NFIA: variants seen among roughly 807,000 people sequenced by gnomAD.
The protein encoded by NFIA is nuclear factor 1 A-type.
A neutral mutation model predicts 62.8 loss-of-function variants in NFIA; 8 were observed. The ratio of observed to expected loss-of-function variants is 0.13; its 90% confidence interval spans 0.07 to 0.23. The LOEUF (loss-of-function observed/expected upper bound fraction) is 0.23, where lower values mean the gene tolerates loss of function less well. Ranked by LOEUF, NFIA falls within the 10% of genes least tolerant of loss-of-function variation. NFIA has a pLI of 1.00. For missense variants in NFIA, 410 were observed against 642.1 expected, an observed-to-expected ratio of 0.64 and a Z score of 3.91; for synonymous variants, 235 against 238.1, an observed-to-expected ratio of 0.99 and a Z score of 0.12.
chr1:61,192,140 A>G (rs1189645330), intron 2 of NFIA, among the ~76,000 whole-genome samples: 1 of 151,894 alleles, frequency 6.6e-6, no homozygotes, highest in African/African-American at 2.4e-5. Flanking sequence ...TTGTATTTCT[A>G]GTAGACATGG....
chr1:61,372,595 T>C (rs369285202), intron 6 of NFIA, among the ~76,000 whole-genome samples: 2 of 151,740 alleles, frequency 1.3e-5, no homozygotes, highest in African/African-American at 4.8e-5. Context: ...AAAAGCAAAC[T>C]ATTTTGTCAG....
intron 2 of NFIA, among the ~76,000 whole-genome samples, chr1:61,153,217 C>T (rs1240424814): frequency 6.6e-6 from 1 of 152,218 alleles, no homozygotes; most frequent in Non-Finnish European, 1.5e-5. Context: ...GAATCTGTGC[C>T]TTCTAGTTTG....
chr1:61,150,124 A>C (rs1468966400), intron 2 of NFIA, among the ~76,000 whole-genome samples: 1 of 152,240 alleles, frequency 6.6e-6, no homozygotes, highest in Non-Finnish European at 1.5e-5. Context: ...ACCTTTAAAA[A>C]ATACACGTTA....
At chr1:61,419,749 A>G (rs914506628) in intron 9 of NFIA, among the ~76,000 whole-genome samples, 1 of 152,226 alleles carries the variant, frequency 6.6e-6, no homozygotes, top group Non-Finnish European at 1.5e-5. Flanking sequence ...CACCTTAGAC[A>G]TGCCATGCAA....
Position 61,429,567 on chromosome 1 carries a change from G to A in NFIA, c.1512+3011G>A, listed in dbSNP as rs566408916. Reference sequence around the variant, plus strand: ...ACTGCATTAAAATATAATCTTTAGCGTATACCCCCAAAAATGGCAAGCAAA... The same window carrying A: ...ACTGCATTAAAATATAATCTTTAGCATATACCCCCAAAAATGGCAAGCAAA... On this transcript the variant is annotated intron_variant, in intron 10 of 10. Transcript: ENST00000403491. 3.5e-4 allele frequency among the ~76,000 whole-genome samples: 54 copies of A among 152,276 alleles called. 1 individual carries two copies. The South Asian group carries it at 6.4e-3, about 18-fold the overall frequency.
Position 61,370,080 on chromosome 1 carries a change from T to C in NFIA, c.946+10806T>C, listed in dbSNP as rs550026629. Among the ~76,000 whole-genome samples the C allele has an allele frequency of 1.2e-4, 19 of 152,314 alleles. 2 individuals are homozygous for C. The South Asian group carries it at 3.7e-3, about 30-fold the overall frequency. ...AGAGAGGGAAGAAATAAGTCCTTGG[T>C]CTGTGCAGATCCCAGAAGTCAATCA... On this transcript the variant is annotated intron_variant, in intron 6 of 10. Coordinates refer to ENST00000403491, the MANE Select transcript of NFIA (RefSeq NM_001134673.4).
At chr1:61,279,410 A>AC (rs2100280871) in intron 3 of NFIA, among the ~76,000 whole-genome samples, 1 of 152,232 alleles carries the variant, frequency 6.6e-6, no homozygotes, top group African/African-American at 2.4e-5. Flanking sequence ...TAAAAAAAAA[A>AC]AAAGAGAGAA....
intron 2 of NFIA, among the ~76,000 whole-genome samples, chr1:61,132,398 G>C (rs1647097322): frequency 6.6e-6 from 1 of 152,110 alleles, no homozygotes; most frequent in South Asian, 2.1e-4. Context: ...TTAATGTTAT[G>C]AAAACTGTTA....
Position 61,260,423 on chromosome 1 carries a change from T to C in NFIA, c.560-17097T>C, listed in dbSNP as rs945076607. Among the ~76,000 whole-genome samples, 22 of 152,330 alleles carry C rather than the reference T, an allele frequency of 1.4e-4. No homozygotes were observed. In the South Asian group the frequency reaches 2.5e-3, roughly 17 times the overall value. On this transcript the variant is annotated intron_variant, in intron 2 of 10. Coordinates refer to ENST00000403491, the MANE Select transcript of NFIA (RefSeq NM_001134673.4). ...ACTAGGTGACAAGCTTCCTGTGATA[T>C]AGACTGGGTGAGGACAGAGCTTGGT...
chr1:61,191,410 G>A (rs781462087), intron 2 of NFIA, among the ~76,000 whole-genome samples: 33 of 151,942 alleles, frequency 2.2e-4, no homozygotes, highest in Non-Finnish European at 4.4e-4. Context: ...GCTTTCCGGA[G>A]AATCTGGGTG....
At chr1:61,280,146 T>C (rs1658043576) in intron 3 of NFIA, among the ~76,000 whole-genome samples, 1 of 152,222 alleles carries the variant, frequency 6.6e-6, no homozygotes. Flanking sequence ...AAATGATTTT[T>C]CTCTTTTCCT....
Position 61,277,576 on chromosome 1 carries a change from C to A in NFIA, c.616C>A (p.Pro206Thr), listed in dbSNP as rs777672631. 4 of 1,613,736 alleles carry A rather than the reference C, an allele frequency of 2.5e-6. No individual in the cohort carries two copies. The highest frequency in any genetic ancestry group is 3.4e-6 in the Non-Finnish European group (4 of 1,179,774). ...AAGTGACGCTGACATTAAGGACCAG[C>A]CAGAAAATGGTAAGTTTAGCTTGGG... ...QPSDADIKDQ[P>T]ENGHLGFQDS... Residue 206 changes from proline to threonine, a missense_variant, in exon 3 of 11, where the codon CCA becomes ACA. Pro to Thr is a conservative substitution (Grantham distance 38, BLOSUM62 -1). This residue lies in a region of NFIA where 298 missense variants were observed against 438.1 expected (regional missense o/e 0.68). Coordinates refer to ENST00000403491, the MANE Select transcript of NFIA (RefSeq NM_001134673.4).
intron 2 of NFIA, among the ~76,000 whole-genome samples, chr1:61,199,595 A>G (rs751027188): frequency 5.3e-5 from 8 of 152,078 alleles, no homozygotes; most frequent in Admixed American, 1.3e-4. Context: ...TGGGAAGAAA[A>G]TGGAAGTTTT....
At chr1:61,190,014 T>G (rs1311788534) in intron 2 of NFIA, among the ~76,000 whole-genome samples, 1 of 152,170 alleles carries the variant, frequency 6.6e-6, no homozygotes, top group Non-Finnish European at 1.5e-5. Flanking sequence ...TTTAGTGAAT[T>G]TAATGAAATT....
intron 3 of NFIA, among the ~76,000 whole-genome samples, chr1:61,306,768 A>G (rs993035414): frequency 2.0e-5 from 3 of 152,192 alleles, no homozygotes; most frequent in African/African-American, 7.2e-5. Context: ...TGGTCCACAT[A>G]CTGGCCTTGG....
chr1:61,250,502 G>A (rs1469880584), intron 2 of NFIA, among the ~76,000 whole-genome samples: 1 of 152,162 alleles, frequency 6.6e-6, no homozygotes, highest in East Asian at 1.9e-4. Context: ...TACATGGTAT[G>A]TGTCATGAAT....
chr1:61,292,777 C>T (rs1415391731), intron 3 of NFIA, among the ~76,000 whole-genome samples: 1 of 152,188 alleles, frequency 6.6e-6, no homozygotes, highest in East Asian at 1.9e-4. Flanking sequence ...AAAATTAGCT[C>T]AAACCCCCCA....
At chr1:61,321,674 T>G (rs2100368910) in intron 3 of NFIA, among the ~76,000 whole-genome samples, 1 of 152,276 alleles carries the variant, frequency 6.6e-6, no homozygotes, top group Non-Finnish European at 1.5e-5. Context: ...CACAATTTTT[T>G]TGTTGCAACA....
chr1:61,461,418 G>A lies in NFIA; in HGVS notation c.*6098G>A, dbSNP rs950953204. The A allele has an allele frequency of 3.3e-5, 5 of 152,136 alleles. No individual in the cohort carries two copies. Among genetic ancestry groups the A allele is most frequent in the Non-Finnish European group, 7.4e-5 (5 of 68,026 alleles). 9.4% of individuals were successfully genotyped at this position (152,136 alleles called of 1,614,324 possible). On this transcript the variant is annotated 3_prime_UTR_variant, in exon 11 of 11. Coordinates refer to ENST00000403491, the MANE Select transcript of NFIA (RefSeq NM_001134673.4). ...AAAAAGAAGTTTGCTATTAACACGGGATTTTTTTAATATACTTTTTTTGGT... is the reference window on the plus strand; with the variant it reads ...AAAAAGAAGTTTGCTATTAACACGGAATTTTTTTAATATACTTTTTTTGGT...
Sources: gnomAD v4.1 joint callset for allele counts (sites outside exome capture counted in the v4.1 genomes callset) on GRCh38, gnomAD v4.1.1 for gene constraint, gnomAD v4.1.1 regional missense constraint, MANE v1.5 for transcripts, NCBI Gene and HGNC (gene_info 2026-07-23, HGNC 2026-07-21) for gene names.